Variants in MAP2 observed in about 807,000 individuals in gnomAD.
MAP2 encodes microtubule-associated protein 2.
In MAP2, 14 loss-of-function variants were observed where a neutral mutation model predicts 137.6. The ratio of observed to expected loss-of-function variants is 0.10; its 90% CI spans 0.07 to 0.16. The LOEUF is 0.16. Among genes scored for constraint, MAP2 ranks in the 10% least tolerant of loss-of-function variants. The pLI, the probability that MAP2 is intolerant of heterozygous loss-of-function variation, is 1.00. For missense variants in MAP2, 2,088 were observed against 2,191.5 expected (o/e 0.95, Z 0.94); for synonymous variants, 786 against 782.3 (o/e 1.00, Z -0.08).
intron 3 of MAP2, among the ~76,000 whole-genome samples, chr2:209,610,835 C>A (rs948553034): frequency 6.6e-6 from 1 of 152,122 alleles, no homozygotes; most frequent in African/African-American, 2.4e-5. Flanking sequence ...ATGCCTAATT[C>A]TTTAGCCTAA....
chr2:209,487,679 T>G (rs1040262116), intron 1 of MAP2, among the ~76,000 whole-genome samples: 2 of 152,206 alleles, frequency 1.3e-5, no homozygotes, highest in Admixed American at 1.3e-4. Context: ...ATGATTTGAA[T>G]AAATGGATAA....
At chr2:209,701,042 G>T (rs746648118) in intron 11 of MAP2, among the ~76,000 whole-genome samples, 1 of 151,884 alleles carries the variant, frequency 6.6e-6, no homozygotes, top group Non-Finnish European at 1.5e-5. Context: ...TTACTGTAGA[G>T]AACTTTTTGG....
At chr2:209,518,202 A>G (rs1212175769) in intron 2 of MAP2, among the ~76,000 whole-genome samples, 1 of 152,078 alleles carries the variant, frequency 6.6e-6, no homozygotes, top group East Asian at 1.9e-4. Context: ...CTTTAAATGT[A>G]TTAACAGTGG....
chr2:209,730,404 C>T lies in MAP2; in HGVS notation c.*7C>T, dbSNP rs777715314. On this transcript the variant is annotated 3_prime_UTR_variant, in exon 16 of 16. Coordinates refer to ENST00000682079, the MANE Select transcript of MAP2 (RefSeq NM_001375505.1). The stretch of plus-strand genomic sequence containing the variant: ...CGCTAAGCAGGGCTTGTGAATATTT[C>T]TCATTTAGCATTGAAATAATAATAT... 15 of 1,606,754 alleles carry T rather than the reference C, an allele frequency of 9.3e-6. No individual in the cohort carries two copies. The Admixed American group carries it at 2.3e-4, about 25-fold the overall frequency.
intron 13 of MAP2, among the ~76,000 whole-genome samples, chr2:209,717,260 ACTCT>A (rs777885343): frequency 2.0e-5 from 3 of 152,038 alleles, no homozygotes; most frequent in Admixed American, 6.6e-5. Context: ...AGGAACTTTC[ACTCT>A]CTCTCCTGCC....
chr2:209,715,224 G>C (rs1026965982), intron 13 of MAP2, among the ~76,000 whole-genome samples: 2 of 151,770 alleles, frequency 1.3e-5, no homozygotes, highest in Non-Finnish European at 2.9e-5. Context: ...AAGCTAGTTA[G>C]CTTTTTAATT....
intron 2 of MAP2, among the ~76,000 whole-genome samples, chr2:209,572,754 A>G (rs169636): frequency 0.33 from 50,025 of 152,090 alleles, 14,397 homozygotes; most frequent in African/African-American, 0.78. Flanking sequence ...CTCAACATAC[A>G]GATGTTTTTA....
intron 3 of MAP2, among the ~76,000 whole-genome samples, chr2:209,590,664 A>T (rs2079016282): frequency 6.6e-6 from 1 of 152,202 alleles, no homozygotes; most frequent in African/African-American, 2.4e-5. Flanking sequence ...AAAAATTGAA[A>T]GTTGACTTCC....
rs1553594572 is a variant in MAP2, at chr2:209,558,686, C to CTAG, written c.-171-21348_-171-21347insGTA. On this transcript the variant is annotated intron_variant, in intron 2 of 15. Transcript: ENST00000682079. ...CATTTGTCCCCAAAATGTTCTTTTT[C>CTAG]TAATAATAATAATAATAATCCAAGA... is the stretch of plus-strand genomic sequence containing the variant. 9.5e-3 allele frequency among the ~76,000 whole-genome samples: 1,427 copies of CTAG among 150,380 alleles called. 25 individuals are homozygous for CTAG. Among genetic ancestry groups the CTAG allele is most frequent in the African/African-American group, 0.033 (1,344 of 40,772 alleles).
intron 1 of MAP2, among the ~76,000 whole-genome samples, chr2:209,425,566 GT>G (rs1559146061): frequency 1.3e-5 from 2 of 152,166 alleles, no homozygotes; most frequent in African/African-American, 2.4e-5. Context: ...TAATTTAAAT[GT>G]TAAAGGTATA....
rs1195076426 is a variant in MAP2 at position 209,730,307 on chromosome 2, C to T, written c.5394C>T (p.Ser1798=). 3 of 1,613,982 alleles carry T rather than the reference C, an allele frequency of 1.9e-6. No individual in the cohort carries two copies. The highest frequency in any genetic ancestry group is 1.3e-5 in the African/African-American group (1 of 74,908). Residue 1798 remains serine, a synonymous_variant, in exon 16 of 16, where the codon TCC becomes TCT. Coordinates refer to ENST00000682079, the MANE Select transcript of MAP2 (RefSeq NM_001375505.1). The stretch of plus-strand genomic sequence containing the variant: ...CACCCCGACGACTCAGCAATGTCTC[C>T]TCGTCTGGAAGCATCAACCTGCTCG... The part of the protein sequence containing the change: ...VASPRRLSNV[S]SSGSINLLES...
At chr2:209,705,829 A>G (rs1009056683) in intron 12 of MAP2, 102 bp downstream of exon 12, 3 of 1,027,172 alleles carry the variant, frequency 2.9e-6, no homozygotes, top group East Asian at 2.7e-5. Flanking sequence ...TAAAACATGC[A>G]TTAAGACTAG....
chr2:209,609,615 T>C (rs1387849252), intron 3 of MAP2, among the ~76,000 whole-genome samples: 1 of 152,200 alleles, frequency 6.6e-6, no homozygotes, highest in African/African-American at 2.4e-5. Flanking sequence ...CTTCTTTCAC[T>C]TAGCATCGTA....
At chr2:209,558,385 C>T (rs946281148) in intron 2 of MAP2, among the ~76,000 whole-genome samples, 9 of 152,086 alleles carry the variant, frequency 5.9e-5, no homozygotes, top group Middle Eastern at 3.4e-3. Flanking sequence ...GACAGGGTTT[C>T]GCCATGTCGG....
chr2:209,594,098 T>C (rs1291898558), intron 3 of MAP2, among the ~76,000 whole-genome samples: 1 of 135,792 alleles, frequency 7.4e-6, no homozygotes, highest in African/African-American at 2.8e-5. Context: ...CAGTGAGCTA[T>C]GATTGTGTCG....
chr2:209,476,356 G>C (rs1441013447), intron 1 of MAP2, among the ~76,000 whole-genome samples: 1 of 150,512 alleles, frequency 6.6e-6, no homozygotes, highest in Non-Finnish European at 1.5e-5. Flanking sequence ...TGGTAAATTA[G>C]TCAAACCTGT....
chr2:209,706,313 G>C (rs760593174), intron 12 of MAP2, among the ~76,000 whole-genome samples: 31 of 152,062 alleles, frequency 2.0e-4, no homozygotes, highest in Admixed American at 1.3e-4. Context: ...ATGTTGCATT[G>C]TGGCAAACTA....
intron 1 of MAP2, among the ~76,000 whole-genome samples, chr2:209,499,194 C>T (rs1226606066): frequency 3.3e-5 from 5 of 152,130 alleles, no homozygotes; most frequent in Non-Finnish European, 7.4e-5. Flanking sequence ...TTTCATCTGC[C>T]AGATATGCTG....
chr2:209,717,056 G>A (rs1348094175), intron 13 of MAP2, among the ~76,000 whole-genome samples: 2 of 152,056 alleles, frequency 1.3e-5, no homozygotes, highest in African/African-American at 4.8e-5. Context: ...GTGAAATGTA[G>A]GGTGGAATCT....
Sources: allele counts gnomAD v4.1 joint callset (sites outside exome capture counted in the v4.1 genomes callset), GRCh38; gene constraint gnomAD v4.1.1; transcripts MANE v1.5; gene names NCBI Gene and HGNC (gene_info 2026-07-23, HGNC 2026-07-21).